The following TENM4 variants were observed in gnomAD, a reference collection of about 807,000 sequenced individuals.
TENM4 encodes the protein teneurin transmembrane protein 4.
Under a neutral mutation model 243.3 loss-of-function variants are expected in TENM4, and 82 were observed. The ratio of observed to expected loss-of-function variants is 0.34; its 90% CI spans 0.28 to 0.40. TENM4 has a LOEUF of 0.40. TENM4 is among the 10% of genes least tolerant of loss of function. The pLI is 1.00. For missense variants in TENM4, 3,138 were observed against 3,673.3 expected (o/e 0.85, Z 3.77); for synonymous variants, 1,412 against 1,456.3 (o/e 0.97, Z 0.69).
chr11:78,998,819 G>A (rs1451377833), intron 6 of TENM4, among the ~76,000 whole-genome samples: 2 of 152,192 alleles, frequency 1.3e-5, no homozygotes, highest in Non-Finnish European at 2.9e-5. Flanking sequence ...AGTGGGGCAA[G>A]CATATTCTTG....
chr11:78,948,958 G>A (rs539902780), intron 6 of TENM4, among the ~76,000 whole-genome samples: 7 of 152,142 alleles, frequency 4.6e-5, no homozygotes, highest in African/African-American at 1.4e-4. Context: ...ATCTTACTGC[G>A]TCATATTAGG....
chr11:78,977,580 T>C lies in TENM4; in HGVS notation c.494-74057A>G, dbSNP rs532884325. 1.4e-4 allele frequency among the ~76,000 whole-genome samples: 22 copies of C among 152,344 alleles called. 1 individual carries two copies. Among genetic ancestry groups the C allele is most frequent in the Admixed American group, 1.3e-3 (20 of 15,298 alleles). ...GCCTACACAGGTTCTCCTCAGCAGG[T>C]GGTCATTTGTAGAAAAGGAGCTTTA... is the stretch of plus-strand genomic sequence containing the variant. On this transcript the variant is annotated intron_variant, in intron 6 of 33. Transcript: ENST00000278550.
chr11:78,713,321 T>A (rs17137042), intron 25 of TENM4, among the ~76,000 whole-genome samples: 1 of 152,104 alleles, frequency 6.6e-6, no homozygotes, highest in African/African-American at 2.4e-5. Flanking sequence ...ATAAGTGAAC[T>A]GCAGGATTAG....
intron 3 of TENM4, among the ~76,000 whole-genome samples, chr11:79,174,466 T>C (rs1279565176): frequency 6.6e-6 from 1 of 152,234 alleles, no homozygotes; most frequent in Non-Finnish European, 1.5e-5. Context: ...TCGATGCCTG[T>C]GCTTACAGCT....
intron 3 of TENM4, among the ~76,000 whole-genome samples, chr11:79,215,459 T>C (rs10501436): frequency 0.021 from 3,184 of 152,142 alleles, 44 homozygotes; most frequent in Middle Eastern, 0.051. Flanking sequence ...AGAATGACCT[T>C]GATTGGCATT....
At chr11:79,223,956 G>A (rs551526118) in intron 2 of TENM4, among the ~76,000 whole-genome samples, 7 of 152,338 alleles carry the variant, frequency 4.6e-5, no homozygotes, top group African/African-American at 1.7e-4. Context: ...TGTGGTGTGA[G>A]TTGTGAGCAG....
intron 6 of TENM4, among the ~76,000 whole-genome samples, chr11:79,017,360 T>C (rs1858805416): frequency 1.3e-5 from 2 of 152,176 alleles, no homozygotes; most frequent in African/African-American, 4.8e-5. Context: ...GAAATGGCCT[T>C]GTTCCAAAGG....
rs1314319416 is a variant in TENM4, at chr11:78,654,576, C to T, written c.*3482G>A. 6.6e-6 allele frequency: 1 copy of T among 152,212 alleles called. No individual in the cohort carries two copies. Among genetic ancestry groups the T allele is most frequent in the Admixed American group, 6.5e-5 (1 of 15,278 alleles). 9.4% of individuals were successfully genotyped at this position (152,212 alleles called of 1,614,324 possible). On this transcript the variant is annotated 3_prime_UTR_variant, in exon 34 of 34. Transcript: ENST00000278550. ...CTTGCCATCATCTTCTGTGCCCCCT[C>T]CTGGTTATTTGGACACACACCTCCT... is the stretch of plus-strand genomic sequence containing the variant.
At chr11:79,086,825 C>G (rs973391695) in intron 4 of TENM4, among the ~76,000 whole-genome samples, 1 of 119,558 alleles carries the variant, frequency 8.4e-6, no homozygotes, top group African/African-American at 3.4e-5. Context: ...CAGAGCAAGA[C>G]TCTGTCTCGC....
At chr11:79,338,184 T>C (rs527667287) in intron 1 of TENM4, among the ~76,000 whole-genome samples, 9 of 152,240 alleles carry the variant, frequency 5.9e-5, no homozygotes, top group African/African-American at 1.9e-4. Flanking sequence ...AAATGAATGA[T>C]TGAATCAATT....
intron 1 of TENM4, among the ~76,000 whole-genome samples, chr11:79,361,658 C>CTTT (rs1857591746): frequency 6.6e-6 from 1 of 151,944 alleles, no homozygotes; most frequent in African/African-American, 2.4e-5. Context: ...CTGAATGGCA[C>CTTT]AAATAGACTA....
intron 2 of TENM4, among the ~76,000 whole-genome samples, chr11:79,238,051 A>C (rs1187911599): frequency 6.6e-6 from 1 of 152,132 alleles, no homozygotes; most frequent in Non-Finnish European, 1.5e-5. Context: ...ACTGCCCCTC[A>C]TATGCAGCAT....
chr11:78,753,472 G>A (rs978845201), intron 19 of TENM4, among the ~76,000 whole-genome samples: 16 of 152,330 alleles, frequency 1.1e-4, no homozygotes, highest in African/African-American at 3.6e-4. Flanking sequence ...CTTTATCCCA[G>A]CTGTGCAAAT....
chr11:79,227,040 G>A (rs925518705), intron 2 of TENM4, among the ~76,000 whole-genome samples: 5 of 152,146 alleles, frequency 3.3e-5, no homozygotes, highest in African/African-American at 4.8e-5. Flanking sequence ...ACTGGCTTCC[G>A]GGTAGGTTGG....
At chr11:79,408,802 T>C (rs867643616) in intron 1 of TENM4, among the ~76,000 whole-genome samples, 1 of 152,118 alleles carries the variant, frequency 6.6e-6, no homozygotes, top group African/African-American at 2.4e-5. Flanking sequence ...CAAAGCCAAA[T>C]GCCAGGAGTT....
At chr11:78,665,428 C>T (rs145480711) in intron 32 of TENM4, among the ~76,000 whole-genome samples, 109 of 152,186 alleles carry the variant, frequency 7.2e-4, no homozygotes, top group African/African-American at 2.5e-3. Context: ...TGCGCCACCA[C>T]GCCCAGCTAA....
chr11:79,165,799 T>G (rs1049902304), intron 3 of TENM4, among the ~76,000 whole-genome samples: 6 of 152,224 alleles, frequency 3.9e-5, no homozygotes, highest in African/African-American at 1.4e-4. Flanking sequence ...TTGATCTATC[T>G]TGTGTTGATT....
Position 78,729,617 on chromosome 11 carries a change from A to G in TENM4, c.3165T>C (p.Ser1055=). ...GGTAGCTCAGCCTCATCTTGCAGCC[A>G]GAGATAGAGATTTCCTCCTGCAAAG... is the stretch of plus-strand genomic sequence containing the variant. ...IQALQEEISI[S]GCKMRLSYLS... The change falls in exon 22 of 34, where the codon TCT becomes TCC. Residue 1055 remains serine, a synonymous_variant. Coordinates refer to ENST00000278550, the MANE Select transcript of TENM4 (RefSeq NM_001098816.3). 3.1e-6 allele frequency: 5 copies of G among 1,611,880 alleles called. No individual in the cohort carries two copies. Among genetic ancestry groups the G allele is most frequent in the Non-Finnish European group, 4.2e-6 (5 of 1,178,344 alleles).
At chr11:79,054,690 C>T (rs555328346) in intron 6 of TENM4, among the ~76,000 whole-genome samples, 120 of 152,216 alleles carry the variant, frequency 7.9e-4, no homozygotes, top group Middle Eastern at 3.4e-3. Context: ...AAGCGATCCT[C>T]CCGCCTTGGC....
Sources: gnomAD v4.1 joint callset for allele counts (sites outside exome capture counted in the v4.1 genomes callset) on GRCh38, gnomAD v4.1.1 for gene constraint, MANE v1.5 for transcripts, NCBI Gene and HGNC (gene_info 2026-07-23, HGNC 2026-07-21) for gene names.